The following USP13 variants were observed in gnomAD, a reference collection of about 807,000 sequenced individuals.
The protein encoded by USP13 is ubiquitin carboxyl-terminal hydrolase 13.
A neutral mutation model predicts 107.8 loss-of-function variants in USP13; 68 were observed. The observed-to-expected ratio is 0.63, with a 90% CI of 0.52 to 0.77. The LOEUF is 0.77. USP13 is among the 30% of genes least tolerant of loss of function. The probability of loss-of-function intolerance (pLI) is 0.00; values close to 1 mark genes in which losing one functional copy is unlikely to be tolerated. For missense variants in USP13, 945 were observed against 1,093.3 expected, an observed-to-expected ratio of 0.86 and a Z score of 1.91; for synonymous variants, 377 against 389.5, an observed-to-expected ratio of 0.97 and a Z score of 0.38.
At chr3:179,685,844 G>A (rs1002052919) in intron 2 of USP13, among the ~76,000 whole-genome samples, 23 of 151,852 alleles carry the variant, frequency 1.5e-4, no homozygotes, top group African/African-American at 5.6e-4. Context: ...TTTGTTGTAG[G>A]TCCTGAAGAC....
At chr3:179,767,448 A>G (rs1340329396) in intron 19 of USP13, among the ~76,000 whole-genome samples, 1 of 148,998 alleles carries the variant, frequency 6.7e-6, no homozygotes, top group Non-Finnish European at 1.5e-5. Context: ...TTTTTGAGAC[A>G]GAGTCTCACT....
chr3:179,679,219 T>C (rs1216948775), intron 1 of USP13, among the ~76,000 whole-genome samples: 1 of 152,136 alleles, frequency 6.6e-6, no homozygotes, highest in Non-Finnish European at 1.5e-5. Context: ...AAAAATTTTA[T>C]TGGAATTTAA....
chr3:179,724,195 C>T (rs537579730), intron 8 of USP13, among the ~76,000 whole-genome samples: 2 of 151,874 alleles, frequency 1.3e-5, no homozygotes, highest in African/African-American at 2.4e-5. Context: ...CAGTGGCTCA[C>T]GCCTGTAATC....
At chr3:179,700,976 C>A in intron 3 of USP13, 32 bp from the exon 4 acceptor site, 1 of 1,587,202 alleles carries the variant, frequency 6.3e-7, no homozygotes, top group South Asian at 1.1e-5. Context: ...ATTTTCCTCA[C>A]TTCTTGTTCT....
At chr3:179,699,739 CTTATTTATTTTATTTAT>C (rs1560053123) in intron 3 of USP13, among the ~76,000 whole-genome samples, 1 of 137,312 alleles carries the variant, frequency 7.3e-6, no homozygotes, top group East Asian at 2.1e-4. Flanking sequence ...TTAGCTGTAT[CTTATTTATTTTATTTAT>C]TTATTTATTT....
chr3:179,745,092 A>G lies in USP13; in HGVS notation c.1584A>G (p.Arg528=). The change falls in exon 13 of 21, where the codon AGA becomes AGG. Residue 528 remains arginine (R), a synonymous_variant. Coordinates refer to ENST00000263966, the MANE Select transcript of USP13 (RefSeq NM_003940.3). The part of the protein sequence containing the change: ...ELTRREAEAN[R]RPLPELVRAK... ...CGAGAAGGGAAGCAGAAGCAAACAG[A>G]AGACCCCTTCCTGAGTTGGTACGTG... 1 of 1,614,176 alleles carries G rather than the reference A, an allele frequency of 6.2e-7. No individual in the cohort carries two copies. The highest frequency in any genetic ancestry group is 1.3e-5 in the African/African-American group (1 of 75,028).
intron 3 of USP13, among the ~76,000 whole-genome samples, chr3:179,699,723 T>A: frequency 6.7e-6 from 1 of 148,400 alleles, no homozygotes; most frequent in Non-Finnish European, 1.5e-5. Flanking sequence ...AAGCTTAGAT[T>A]GCATTTTAGC....
At chr3:179,758,501 A>C (rs1304495059) in intron 16 of USP13, among the ~76,000 whole-genome samples, 1 of 151,728 alleles carries the variant, frequency 6.6e-6, no homozygotes, top group Non-Finnish European at 1.5e-5. Context: ...ACCTTTCTTA[A>C]ATTTTTTTTT....
chr3:179,728,314 C>T (rs1294117045), intron 8 of USP13, among the ~76,000 whole-genome samples: 5 of 146,818 alleles, frequency 3.4e-5, no homozygotes, highest in Admixed American at 6.8e-5. Flanking sequence ...ACGGGGCGGC[C>T]GGGCAGAGAC....
chr3:179,745,311 CTG>C (rs962523780), intron 13 of USP13, 94 bp downstream of exon 13: 3 of 1,453,944 alleles, frequency 2.1e-6, no homozygotes, highest in Non-Finnish European at 2.8e-6. Context: ...TTATTTGTGT[CTG>C]TGTGTGTTTG....
At position 179,730,316 on chromosome 3, in the gene USP13, C is replaced by T; in HGVS notation, c.1160+56C>T. ...TAGAAAAAGCATCCAATAAAATGTT[C>T]ATAGTGGATATCTCTGGGTTGCAAA... On this transcript the variant is annotated intron_variant, in intron 9 of 20. Coordinates refer to ENST00000263966, the MANE Select transcript of USP13 (RefSeq NM_003940.3). The T allele has an allele frequency of 3.2e-6, 5 of 1,542,864 alleles. No individual in the cohort carries two copies. The South Asian group carries it at 4.7e-5, about 14-fold the overall frequency.
At chr3:179,781,005 T>C (rs543448807) in intron 19 of USP13, among the ~76,000 whole-genome samples, 13 of 152,342 alleles carry the variant, frequency 8.5e-5, no homozygotes, top group Admixed American at 7.8e-4. Flanking sequence ...GACTGGTACT[T>C]GTCCATGGAA....
chr3:179,697,439 A>G (rs1435213273), intron 3 of USP13, among the ~76,000 whole-genome samples: 7 of 152,208 alleles, frequency 4.6e-5, no homozygotes, highest in African/African-American at 1.7e-4. Context: ...GTAGGGACCC[A>G]TTCTTTCCTT....
At chr3:179,662,195 TA>T (rs150692633) in intron 1 of USP13, among the ~76,000 whole-genome samples, 10,165 of 152,272 alleles carry the variant, frequency 0.067, 661 homozygotes, top group Middle Eastern at 0.19. Flanking sequence ...CCTCTATTCT[TA>T]ACTAAGCTCA....
At chr3:179,777,666 G>C (rs962921813) in intron 19 of USP13, among the ~76,000 whole-genome samples, 5 of 151,736 alleles carry the variant, frequency 3.3e-5, no homozygotes, top group African/African-American at 1.2e-4. Flanking sequence ...TGCCCAGGCT[G>C]GTCTCAAACT....
chr3:179,755,212 T>A (rs1714747533), intron 15 of USP13, among the ~76,000 whole-genome samples: 1 of 152,196 alleles, frequency 6.6e-6, no homozygotes, highest in South Asian at 2.1e-4. Context: ...CCTCCCCAGC[T>A]TTTTTACTGC....
chr3:179,717,818 T>A (rs1331753890), intron 6 of USP13, among the ~76,000 whole-genome samples: 8 of 152,178 alleles, frequency 5.3e-5, no homozygotes, highest in Non-Finnish European at 1.5e-5. Flanking sequence ...GGGCTGAGAT[T>A]TTGTCTTTTG....
chr3:179,685,235 C>G (rs1214879741), intron 2 of USP13, among the ~76,000 whole-genome samples: 3 of 150,188 alleles, frequency 2.0e-5, no homozygotes, highest in African/African-American at 7.4e-5. Context: ...TACACATTAA[C>G]TGGTTATTGA....
chr3:179,745,831 C>T (rs536812328), intron 13 of USP13, among the ~76,000 whole-genome samples: 4 of 152,228 alleles, frequency 2.6e-5, no homozygotes, highest in Admixed American at 6.5e-5. Flanking sequence ...ATTGTTGAAA[C>T]GAGCCGCTCA....
Sources: gnomAD v4.1 joint callset for allele counts (sites outside exome capture counted in the v4.1 genomes callset) on GRCh38, gnomAD v4.1.1 for gene constraint, MANE v1.5 for transcripts, NCBI Gene and HGNC (gene_info 2026-07-23, HGNC 2026-07-21) for gene names.